The following AGAP1 variants were observed in gnomAD, a reference collection of about 807,000 sequenced individuals.
AGAP1 encodes arf-GAP with GTPase, ANK repeat and PH domain-containing protein 1.
AGAP1 carries 29 observed loss-of-function variants against 105.3 expected under a neutral mutation model. That is an observed-to-expected ratio of 0.28 (90% confidence interval 0.21 to 0.38). The LOEUF (loss-of-function observed/expected upper bound fraction) is 0.38, where lower values mean the gene tolerates loss of function less well. AGAP1 is among the 10% of genes least tolerant of loss of function. The pLI is 1.00. For synonymous variants in AGAP1, 509 were observed against 485.9 expected (o/e 1.05, Z -0.63); for missense variants, 998 against 1,165.1 (o/e 0.86, Z 2.09).
intron 3 of AGAP1, among the ~76,000 whole-genome samples, chr2:235,735,060 T>A (rs944081830): frequency 8.0e-6 from 1 of 124,802 alleles, no homozygotes; most frequent in Non-Finnish European, 2.0e-5. Context: ...TGAACTCCTT[T>A]TCCTCCTGAG....
At chr2:235,686,654 TATATATATA>T (rs1361316150) in intron 1 of AGAP1, among the ~76,000 whole-genome samples, 3,688 of 62,834 alleles carry the variant, frequency 0.059, 219 homozygotes, top group Middle Eastern at 0.075. Context: ...TAGATATATA[TATATATATA>T]TATTTTTTTT....
chr2:235,724,750 ATTAGGCTCGACAGTTCCCTAAC>A lies in AGAP1; in HGVS notation c.310+7108_310+7129del, dbSNP rs1174384924. ...GGACCAGTGAGAAACAGTGGGTGAGATTAGGCTCGACAGTTCCCTAACTCAGGAAAGTCGAGTTTCTGAGCAT... is the reference window on the plus strand; with the variant it reads ...GGACCAGTGAGAAACAGTGGGTGAGATCAGGAAAGTCGAGTTTCTGAGCAT... On this transcript the variant is annotated intron_variant, in intron 3 of 17. Coordinates refer to ENST00000304032, the MANE Select transcript of AGAP1 (RefSeq NM_001037131.3). The surrounding 1 kb of genome is among the most constrained non-coding windows in gnomAD (Gnocchi z 4.9). Among the ~76,000 whole-genome samples, 7 of 152,214 alleles carry A rather than the reference ATTAGGCTCGACAGTTCCCTAAC, an allele frequency of 4.6e-5. No individual in the cohort carries two copies. Among genetic ancestry groups the A allele is most frequent in the Non-Finnish European group, 7.3e-5 (5 of 68,030 alleles).
At chr2:236,052,789 G>T (rs575667677) in intron 16 of AGAP1, among the ~76,000 whole-genome samples, 1 of 152,204 alleles carries the variant, frequency 6.6e-6, no homozygotes, top group East Asian at 1.9e-4. Context: ...TGTAATGGGG[G>T]TTTAATTTGG....
intron 13 of AGAP1, among the ~76,000 whole-genome samples, chr2:235,974,435 T>A (rs965588297): frequency 1.3e-5 from 2 of 152,248 alleles, no homozygotes; most frequent in Non-Finnish European, 2.9e-5. Context: ...CCCAATCTTA[T>A]TATACAAGAG....
At chr2:235,670,402 G>A (rs1200254758) in intron 1 of AGAP1, 2 of 569,220 alleles carry the variant, frequency 3.5e-6, no homozygotes, top group Admixed American at 2.8e-5. Context: ...GCAGCACCGG[G>A]CAGCTGGAAC....
chr2:235,737,955 T>A lies in AGAP1; in HGVS notation c.311-3008T>A, dbSNP rs1198280159. 6.6e-6 allele frequency among the ~76,000 whole-genome samples: 1 copy of A among 151,842 alleles called. No homozygotes were observed. Among genetic ancestry groups the A allele is most frequent in the Non-Finnish European group, 1.5e-5 (1 of 67,962 alleles). On this transcript the variant is annotated intron_variant, in intron 3 of 17. Coordinates refer to ENST00000304032, the MANE Select transcript of AGAP1 (RefSeq NM_001037131.3). The surrounding 1 kb of genome is among the most constrained non-coding windows in gnomAD (Gnocchi z 4.5). The stretch of plus-strand genomic sequence containing the variant: ...GAGGGCTTCCACATACCCTTGTATC[T>A]GGGGCAACCATCAGAGGGCAGGGCT...
rs1463882038 is a variant in AGAP1, at chr2:235,621,093, C to T, written c.164-88086C>T. On this transcript the variant is annotated intron_variant, in intron 1 of 17. Transcript: ENST00000304032. This position sits in a 1 kb window ranked among gnomAD's most constrained non-coding sequence, Gnocchi z 4.1. The stretch of plus-strand genomic sequence containing the variant: ...CTGGAGTACAATGGCACAATCTTGG[C>T]TCACTGCAAACTCCACCTCCTAGGT... Among the ~76,000 whole-genome samples the T allele has an allele frequency of 6.6e-6, 1 of 152,148 alleles. No individual in the cohort carries two copies.
At chr2:236,066,423 G>A (rs184287393) in intron 16 of AGAP1, among the ~76,000 whole-genome samples, 2 of 152,110 alleles carry the variant, frequency 1.3e-5, no homozygotes, top group African/African-American at 2.4e-5. Context: ...ATGGGGTTTC[G>A]CCATGTTGGC....
intron 12 of AGAP1, among the ~76,000 whole-genome samples, chr2:235,939,801 G>A (rs1005956438): frequency 1.3e-5 from 2 of 152,070 alleles, no homozygotes; most frequent in African/African-American, 4.8e-5. Context: ...CTCTCTGGCT[G>A]CCCCCTGTGT....
Position 235,968,478 on chromosome 2 carries a change from C to T in AGAP1, c.1500C>T (p.Asp500=), listed in dbSNP as rs747576491. ...CAATGGCAGACACAGGGCTGGGTGA[C>T]TCCGTATGCTCCAGCCCCAGTATCT... The part of the protein sequence containing the change: ...SAISSDTGLG[D]SVCSSPSISS... Residue 500 remains aspartate, a synonymous_variant, in exon 13 of 18, where the codon GAC becomes GAT. Coordinates refer to ENST00000304032, the MANE Select transcript of AGAP1 (RefSeq NM_001037131.3). The T allele has an allele frequency of 8.1e-6, 13 of 1,601,940 alleles. No individual in the cohort carries two copies. The highest frequency in any genetic ancestry group is 1.1e-5 in the Non-Finnish European group (13 of 1,175,954).
rs3754651 is a variant in AGAP1 at position 236,053,416 on chromosome 2, G to T, written c.2114+4135G>T. Among the ~76,000 whole-genome samples, 1 of 152,296 alleles carries T rather than the reference G, an allele frequency of 6.6e-6. No homozygotes were observed. The highest frequency in any genetic ancestry group is 1.9e-4 in the East Asian group (1 of 5,172). On this transcript the variant is annotated intron_variant, in intron 16 of 17. Coordinates refer to ENST00000304032, the MANE Select transcript of AGAP1 (RefSeq NM_001037131.3). This position sits in a 1 kb window ranked among gnomAD's most constrained non-coding sequence, Gnocchi z 4.6. ...CCAGCAAAGCCGTCTCAGTAAACCC[G>T]TCCACGCACATCCTCTCTCCCTCGC...
chr2:235,805,235 T>G (rs966871371), intron 8 of AGAP1, among the ~76,000 whole-genome samples: 2 of 152,206 alleles, frequency 1.3e-5, no homozygotes, highest in African/African-American at 4.8e-5. Flanking sequence ...TTACCGAAGT[T>G]TCAGTCTCTT....
intron 16 of AGAP1, among the ~76,000 whole-genome samples, chr2:236,107,370 G>A (rs942990990): frequency 2.0e-5 from 3 of 152,180 alleles, no homozygotes; most frequent in East Asian, 1.9e-4. Context: ...CTAGCCTCAC[G>A]CATCCTCCCT....
At chr2:235,653,117 A>G (rs1947651218) in intron 1 of AGAP1, among the ~76,000 whole-genome samples, 2 of 152,236 alleles carry the variant, frequency 1.3e-5, no homozygotes, top group East Asian at 1.9e-4. Context: ...CATTTGCTGC[A>G]TTGTAAAGAG....
rs572709018 is a variant in AGAP1 at position 235,721,406 on chromosome 2, C to T, written c.310+3762C>T. ...TTAACAACACAAAAGTGGGTAACAC[C>T]GTAGGGAACTTGTGATTCCATGAAA... On this transcript the variant is annotated intron_variant, in intron 3 of 17. Transcript: ENST00000304032. The surrounding 1 kb of genome is among the most constrained non-coding windows in gnomAD (Gnocchi z 4.5). 9.0e-4 allele frequency among the ~76,000 whole-genome samples: 137 copies of T among 152,114 alleles called. No individual in the cohort carries two copies. The highest frequency in any genetic ancestry group is 2.7e-3 in the African/African-American group (112 of 41,480).
rs1559434472 is a variant in AGAP1, at chr2:235,750,586, A to G, written c.673+98A>G. ...CTGCACTTGTGCATGTGGGTGGTGG[A>G]AATATGTCGTTGATGGGTGGGCATT... On this transcript the variant is annotated intron_variant, in intron 6 of 17. Transcript: ENST00000304032. This position sits in a 1 kb window ranked among gnomAD's most constrained non-coding sequence, Gnocchi z 5.3. 3.2e-6 allele frequency: 5 copies of G among 1,564,566 alleles called. No homozygotes were observed. In the East Asian group the frequency reaches 9.1e-5, roughly 28 times the overall value.
rs1951795663 is a variant in AGAP1, at chr2:235,728,917, T to C, written c.310+11273T>C. ...GACGAGAGCAGGGGTTGTGGAGGAA[T>C]GGTCAAAACCCAGGCGTGATGTGAC... On this transcript the variant is annotated intron_variant, in intron 3 of 17. Transcript: ENST00000304032. The surrounding 1 kb of genome is among the most constrained non-coding windows in gnomAD (Gnocchi z 4.3). 6.6e-6 allele frequency among the ~76,000 whole-genome samples: 1 copy of C among 152,070 alleles called. No individual in the cohort carries two copies. Among genetic ancestry groups the C allele is most frequent in the South Asian group, 2.1e-4 (1 of 4,822 alleles).
At chr2:235,735,426 G>A (rs1020346577) in intron 3 of AGAP1, among the ~76,000 whole-genome samples, 12 of 152,060 alleles carry the variant, frequency 7.9e-5, no homozygotes, top group Non-Finnish European at 5.9e-5. Flanking sequence ...AAGAGGCTCC[G>A]CTGTAGCTCA....
chr2:235,933,910 T>G lies in AGAP1; in HGVS notation c.1483+2987T>G, dbSNP rs568142861. On this transcript the variant is annotated intron_variant, in intron 12 of 17. Transcript: ENST00000304032. ...AATCGTAATAATAAGAGCTACAGTTTATTGAGGGCTTTATGTAGATAATCT... is the reference window on the plus strand; with the variant it reads ...AATCGTAATAATAAGAGCTACAGTTGATTGAGGGCTTTATGTAGATAATCT... Among the ~76,000 whole-genome samples the G allele has an allele frequency of 1.2e-4, 19 of 152,352 alleles. No homozygotes were observed. The South Asian group carries it at 3.7e-3, about 30-fold the overall frequency.
Sources: gnomAD v4.1 joint callset for allele counts (sites outside exome capture counted in the v4.1 genomes callset) on GRCh38, gnomAD v4.1.1 for gene constraint, Gnocchi (gnomAD v3.1) non-coding constraint, MANE v1.5 for transcripts, NCBI Gene and HGNC (gene_info 2026-07-23, HGNC 2026-07-21) for gene names.